USP50: variants seen among roughly 807,000 people sequenced by gnomAD.
USP50 encodes the protein ubiquitin specific peptidase 50, also known as ubiquitin carboxyl-terminal hydrolase 50.
Under a neutral mutation model 39.2 loss-of-function variants are expected in USP50, and 37 were observed. That is an observed-to-expected ratio of 0.94 (90% confidence interval 0.73 to 1.24). The LOEUF (loss-of-function observed/expected upper bound fraction) is 1.24. USP50 is among the 50% of genes most tolerant of loss of function. The pLI is 0.00. For missense variants in USP50, 374 were observed against 398.2 expected, an observed-to-expected ratio of 0.94 and a Z score of 0.52; for synonymous variants, 139 against 144.5, an observed-to-expected ratio of 0.96 and a Z score of 0.27.
At chr15:50,522,786 C>G (rs540687841) in intron 6 of USP50, among the ~76,000 whole-genome samples, 1 of 152,174 alleles carries the variant, frequency 6.6e-6, no homozygotes, top group South Asian at 2.1e-4. Context: ...GCTGGGACTA[C>G]AGGTGTGTGC....
chr15:50,498,592 G>T, downstream of USP50: 2 of 1,604,790 alleles, frequency 1.2e-6, no homozygotes, highest in Non-Finnish European at 1.7e-6. Flanking sequence ...GTTTTGTTCT[G>T]CAGTTTTTCC....
chr15:50,525,070 T>C (rs981273687), intron 6 of USP50, among the ~76,000 whole-genome samples: 1 of 152,138 alleles, frequency 6.6e-6, no homozygotes, highest in Admixed American at 6.5e-5. Context: ...GAAAACATGA[T>C]ATATTTGGAA....
In USP50 at chr15:50,546,638, G is replaced by A. The variant is rs2053073398; in HGVS notation, c.-113C>T. 1 of 1,152,062 alleles carries A rather than the reference G, an allele frequency of 8.7e-7. No individual in the cohort carries two copies. Among genetic ancestry groups the A allele is most frequent in the East Asian group, 2.5e-5 (1 of 40,584 alleles). 71.4% of individuals were successfully genotyped at this position (1,152,062 alleles called of 1,614,324 possible). ...GCTTTTTGTTTTAAACAATTGATAT[G>A]CTCCTCTCTCTTCCAGTAGCTGCGA... On this transcript the variant is annotated 5_prime_UTR_variant, in exon 1 of 7. Transcript: ENST00000532404.
At chr15:50,539,358 A>G (rs1332294105) in intron 4 of USP50, among the ~76,000 whole-genome samples, 1 of 144,842 alleles carries the variant, frequency 6.9e-6, no homozygotes, top group Non-Finnish European at 1.5e-5. Context: ...AAGCCACCAC[A>G]CCCAGCCTAT....
chr15:50,510,914 C>CT (rs948452805), intron 6 of USP50: 11 of 152,126 alleles, frequency 7.2e-5, no homozygotes, highest in African/African-American at 2.4e-4. Flanking sequence ...GTAGCTGGGA[C>CT]TACAGGCGCC....
intron 6 of USP50, chr15:50,501,665 C>T (rs2052590902): frequency 6.6e-6 from 1 of 152,084 alleles, no homozygotes; most frequent in South Asian, 2.1e-4. Flanking sequence ...TCTCATTTTC[C>T]TTTTTCCATG....
intron 5 of USP50, among the ~76,000 whole-genome samples, chr15:50,534,883 G>A (rs1259813636): frequency 1.3e-5 from 2 of 152,162 alleles, no homozygotes; most frequent in Non-Finnish European, 2.9e-5. Flanking sequence ...GCTCATGCCT[G>A]TAATCCCAGC....
downstream of USP50, among the ~76,000 whole-genome samples, chr15:50,496,649 T>C (rs1258993664): frequency 6.6e-6 from 1 of 152,210 alleles, no homozygotes; most frequent in African/African-American, 2.4e-5. Context: ...AAAAGTTTTA[T>C]AAGTTAATTT....
intron 5 of USP50, chr15:50,531,877 C>G (rs1412027560): frequency 1.6e-5 from 4 of 246,748 alleles, no homozygotes; most frequent in Non-Finnish European, 2.5e-5. Flanking sequence ...TTCCTTCCCT[C>G]AGGAAGGAAA....
intron 1 of USP50, among the ~76,000 whole-genome samples, chr15:50,495,018 A>T (rs529561870): frequency 4.8e-4 from 58 of 121,566 alleles, no homozygotes; most frequent in African/African-American, 1.7e-3. Flanking sequence ...GACTCTTTCT[A>T]AAAAAAAAAA....
chr15:50,513,332 T>G (rs369155605), intron 6 of USP50: 10 of 152,130 alleles, frequency 6.6e-5, no homozygotes, highest in African/African-American at 2.4e-4. Context: ...TTATGATATA[T>G]TCACACAATA....
At chr15:50,517,443 G>A (rs150024014) in intron 6 of USP50, among the ~76,000 whole-genome samples, 3 of 150,386 alleles carry the variant, frequency 2.0e-5, no homozygotes, top group East Asian at 2.0e-4. Flanking sequence ...TTGGACTCCA[G>A]CCTAGGCAAC....
At chr15:50,530,748 T>A (rs998627302) in intron 5 of USP50, among the ~76,000 whole-genome samples, 1 of 152,118 alleles carries the variant, frequency 6.6e-6, no homozygotes, top group African/African-American at 2.4e-5. Flanking sequence ...CAAGCTAAAC[T>A]GAATCTAGCA....
At position 50,541,052 on chromosome 15, in the gene USP50, A is replaced by C; in HGVS notation, c.657T>G (p.Leu219=). 6.2e-7 allele frequency: 1 copy of C among 1,612,910 alleles called. No individual in the cohort carries two copies. Among genetic ancestry groups the C allele is most frequent in the Non-Finnish European group, 8.5e-7 (1 of 1,179,000 alleles). Residue 219 remains leucine (L), a synonymous_variant, in exon 4 of 7, where the codon CTT becomes CTG. Coordinates refer to ENST00000532404, the MANE Select transcript of USP50 (RefSeq NM_203494.5). The part of the protein sequence containing the change: ...LPIPSKYECS[L]RDCLQCFFQQ... The stretch of plus-strand genomic sequence containing the variant: ...TCCAGGAATACTGCATTCCTACCCG[A>C]AGGGAGCATTCATATTTGGATGGAA...
downstream of USP50, chr15:50,497,206 C>T: frequency 1.9e-6 from 3 of 1,609,290 alleles, no homozygotes; most frequent in South Asian, 1.1e-5. Context: ...GAAGTTACCA[C>T]CTGTGCTTTT....
downstream of USP50, chr15:50,493,181 A>G (rs1023482590): frequency 2.9e-5 from 16 of 543,494 alleles, no homozygotes; most frequent in Non-Finnish European, 5.2e-5. Flanking sequence ...CCTAAACGGC[A>G]CCTAATCCTG....
chr15:50,524,894 A>G (rs1285283170), intron 6 of USP50, among the ~76,000 whole-genome samples: 3 of 149,866 alleles, frequency 2.0e-5, no homozygotes, highest in African/African-American at 7.5e-5. Context: ...AACATCAACA[A>G]AAAAAAAACC....
intron 6 of USP50, chr15:50,508,377 A>T (rs1039226281): frequency 1.3e-5 from 2 of 152,196 alleles, no homozygotes; most frequent in African/African-American, 4.8e-5. Flanking sequence ...TTATATTCAA[A>T]TATCTTGCTT....
chr15:50,521,310 G>C (rs1392904683), intron 6 of USP50, among the ~76,000 whole-genome samples: 1 of 152,134 alleles, frequency 6.6e-6, no homozygotes, highest in South Asian at 2.1e-4. Context: ...TCAAAGTGCT[G>C]AGATTACAGG....
Sources: gnomAD v4.1 joint callset for allele counts (sites outside exome capture counted in the v4.1 genomes callset) on GRCh38, gnomAD v4.1.1 for gene constraint, MANE v1.5 for transcripts, NCBI Gene and HGNC (gene_info 2026-07-23, HGNC 2026-07-21) for gene names.